The following TAF2 variants were observed in gnomAD, a reference collection of about 807,000 sequenced individuals.
TAF2 encodes transcription initiation factor TFIID subunit 2.
A neutral mutation model predicts 138.5 loss-of-function variants in TAF2; 61 were observed. The ratio of observed to expected loss-of-function variants is 0.44; its 90% CI spans 0.36 to 0.54. The LOEUF (loss-of-function observed/expected upper bound fraction) is 0.54. TAF2 is among the 20% of genes least tolerant of loss of function. The probability of loss-of-function intolerance (pLI) is 0.00; values close to 1 mark genes in which losing one functional copy is unlikely to be tolerated. For synonymous variants in TAF2, 475 were observed against 469.9 expected, an observed-to-expected ratio of 1.01 and a Z score of -0.14; for missense variants, 1,090 against 1,427.9, an observed-to-expected ratio of 0.76 and a Z score of 3.81.
rs760306871 is a variant in TAF2 at position 119,758,098 on chromosome 8, G to C, written c.2743C>G (p.Gln915Glu). ...CTTACATAGGGTACAGGGTCATTCT[G>C]AATCATATTAAGTAGCCATTGCAGT... ...EELQWLLNMI[Q>E]NDPVPYVRHK... The change falls in exon 21 of 26, where the codon CAG (glutamine) becomes GAG (glutamate). Residue 915 changes from glutamine to glutamate, a missense_variant. By Grantham distance (29) the Gln-to-Glu change is conservative (BLOSUM62 2). Around this residue, in one of 3 missense-constraint regions of TAF2, gnomAD observed 580 missense variants for 719.6 expected, o/e 0.81. Coordinates refer to ENST00000378164, the MANE Select transcript of TAF2 (RefSeq NM_003184.4). The C allele has an allele frequency of 3.7e-6, 6 of 1,613,116 alleles. No individual in the cohort carries two copies. The highest frequency in any genetic ancestry group is 3.3e-4 in the Middle Eastern group (2 of 6,080).
chr8:119,752,401 C>T (rs1009354756), intron 22 of TAF2, among the ~76,000 whole-genome samples: 1 of 152,084 alleles, frequency 6.6e-6, no homozygotes, highest in Non-Finnish European at 1.5e-5. Flanking sequence ...CACCAAGAAG[C>T]AGGCAGAGAC....
intron 23 of TAF2, 144 bp downstream of exon 23, chr8:119,746,561 A>T: frequency 1.2e-6 from 1 of 854,988 alleles, no homozygotes; most frequent in Non-Finnish European, 1.9e-6. Context: ...CACAGTACTA[A>T]TCAAATGTCA....
rs116640909 is a variant in TAF2, at chr8:119,815,918, T to C, written c.299+3428A>G. 9.1e-3 allele frequency among the ~76,000 whole-genome samples: 1,381 copies of C among 152,344 alleles called. 20 individuals are homozygous for C. Among genetic ancestry groups the C allele is most frequent in the African/African-American group, 0.032 (1,314 of 41,572 alleles). The stretch of plus-strand genomic sequence containing the variant: ...AATATGTTTTTAAATTGTTAGTATA[T>C]GTAATGTAACATGTCAGCTAACAGT... On this transcript the variant is annotated intron_variant, in intron 3 of 25. Coordinates refer to ENST00000378164, the MANE Select transcript of TAF2 (RefSeq NM_003184.4).
chr8:119,739,446 C>T (rs913435863), intron 25 of TAF2, among the ~76,000 whole-genome samples: 5 of 152,064 alleles, frequency 3.3e-5, no homozygotes, highest in Non-Finnish European at 5.9e-5. Context: ...ATCTAACACC[C>T]ACATATGATC....
intron 2 of TAF2, among the ~76,000 whole-genome samples, chr8:119,827,565 T>A (rs1263080638): frequency 1.3e-5 from 2 of 152,164 alleles, no homozygotes. Context: ...GTAGATGGCA[T>A]GATCAATTGC....
intron 15 of TAF2, 98 bp downstream of exon 15, chr8:119,785,103 T>C: frequency 2.2e-6 from 2 of 916,922 alleles, no homozygotes; most frequent in East Asian, 2.5e-5. Flanking sequence ...AAAGCACTCA[T>C]TTGGAGGACA....
intron 2 of TAF2, among the ~76,000 whole-genome samples, chr8:119,824,405 G>C (rs192712652): frequency 6.6e-5 from 10 of 150,792 alleles, no homozygotes; most frequent in African/African-American, 2.2e-4. Flanking sequence ...CTCCAGCCTG[G>C]GGGACAGAGT....
intron 16 of TAF2, among the ~76,000 whole-genome samples, chr8:119,781,821 G>A (rs1822683495): frequency 6.6e-6 from 1 of 151,936 alleles, no homozygotes; most frequent in African/African-American, 2.4e-5. Flanking sequence ...CTGAGTAGCT[G>A]GAACTACAGG....
intron 16 of TAF2, among the ~76,000 whole-genome samples, chr8:119,781,503 C>T (rs1822650027): frequency 6.6e-6 from 1 of 151,998 alleles, no homozygotes; most frequent in Admixed American, 6.5e-5. Flanking sequence ...CATGGTGAAA[C>T]CCCATCTATA....
chr8:119,832,016 G>A (rs1826481686), intron 1 of TAF2, among the ~76,000 whole-genome samples: 2 of 151,988 alleles, frequency 1.3e-5, no homozygotes, highest in Admixed American at 6.6e-5. Context: ...AAAGTTAGCC[G>A]GGCATCGTGG....
intron 2 of TAF2, among the ~76,000 whole-genome samples, chr8:119,825,363 T>C (rs1826030530): frequency 6.6e-6 from 1 of 152,252 alleles, no homozygotes; most frequent in Non-Finnish European, 1.5e-5. Flanking sequence ...TAACTTGCTT[T>C]TGATTTCACA....
At chr8:119,832,404 G>A in intron 1 of TAF2, 78 bp downstream of exon 1, 2 of 1,388,208 alleles carry the variant, frequency 1.4e-6, no homozygotes, top group Non-Finnish European at 2.0e-6. Context: ...GGCCCACCAA[G>A]TCAATTTCAA....
intron 2 of TAF2, among the ~76,000 whole-genome samples, chr8:119,823,558 G>A (rs1290205444): frequency 1.3e-5 from 2 of 152,174 alleles, no homozygotes; most frequent in Non-Finnish European, 2.9e-5. Context: ...GGCTTCTCCA[G>A]CCACGTGGAA....
At chr8:119,817,498 A>T (rs7827482) in intron 3 of TAF2, among the ~76,000 whole-genome samples, 91,122 of 152,074 alleles carry the variant, frequency 0.6, 27,579 homozygotes, top group Middle Eastern at 0.77. Context: ...CTGTCTTCCA[A>T]GAAACTGCTG....
intron 2 of TAF2, among the ~76,000 whole-genome samples, chr8:119,827,364 C>T (rs1254432391): frequency 6.6e-6 from 1 of 152,284 alleles, no homozygotes; most frequent in East Asian, 1.9e-4. Context: ...TCTCACCATC[C>T]TTTATCTGCA....
At chr8:119,735,957 C>T (rs1227190093) in intron 25 of TAF2, among the ~76,000 whole-genome samples, 1 of 152,170 alleles carries the variant, frequency 6.6e-6, no homozygotes, top group East Asian at 1.9e-4. Context: ...ACAGACTTTG[C>T]AGCTTTCTTG....
intron 6 of TAF2, among the ~76,000 whole-genome samples, chr8:119,798,383 G>GT (rs752806003): frequency 7.9e-5 from 12 of 152,026 alleles, no homozygotes; most frequent in South Asian, 2.1e-4. Flanking sequence ...TAGTAACTCT[G>GT]TTTTTTTTCA....
Position 119,730,947 on chromosome 8 carries a change from A to G in TAF2, c.*977T>C, listed in dbSNP as rs1487412893. 6.6e-6 allele frequency: 1 copy of G among 152,222 alleles called. No homozygotes were observed. The highest frequency in any genetic ancestry group is 1.5e-5 in the Non-Finnish European group (1 of 68,026). The allele number at this position is 152,222 out of a possible 1,614,324, so 9.4% of individuals were successfully genotyped here. A position where few individuals can be genotyped will look rare whatever the true frequency, so the allele number is the denominator to read the frequency against. On this transcript the variant is annotated 3_prime_UTR_variant, in exon 26 of 26. Transcript: ENST00000378164. ...TAAAGCACATGGAAAATTCAGAAATAAAAACACACCACCATATAAAGAAAT... is the reference window on the plus strand; with the variant it reads ...TAAAGCACATGGAAAATTCAGAAATGAAAACACACCACCATATAAAGAAAT...
intron 18 of TAF2, among the ~76,000 whole-genome samples, chr8:119,764,648 A>AAC (rs1421578447): frequency 2.6e-5 from 4 of 152,226 alleles, no homozygotes; most frequent in Non-Finnish European, 2.9e-5. Context: ...AGGGTTGACA[A>AAC]ACACCTTCAA....
Sources: allele counts gnomAD v4.1 joint callset (sites outside exome capture counted in the v4.1 genomes callset), GRCh38; gene constraint gnomAD v4.1.1; regional missense constraint gnomAD v4.1.1; transcripts MANE v1.5; gene names NCBI Gene and HGNC (gene_info 2026-07-23, HGNC 2026-07-21).